Variants in EPHA6 observed in about 807,000 individuals in gnomAD.
The protein encoded by EPHA6 is EPH receptor A6.
EPHA6 carries 50 observed loss-of-function variants against 112.0 expected under a neutral mutation model. The observed-to-expected ratio is 0.45, with a 90% CI of 0.36 to 0.56. The LOEUF (loss-of-function observed/expected upper bound fraction) is 0.56. Ranked by LOEUF, EPHA6 falls within the 20% of genes least tolerant of loss-of-function variation. The pLI is 0.00. For missense variants in EPHA6, 1,280 were observed against 1,417.4 expected (o/e 0.90, Z 1.56); for synonymous variants, 529 against 490.7 (o/e 1.08, Z -1.03).
intron 3 of EPHA6, among the ~76,000 whole-genome samples, chr3:97,198,718 A>G (rs1338506929): frequency 1.3e-5 from 2 of 152,140 alleles, no homozygotes; most frequent in Non-Finnish European, 2.9e-5. Flanking sequence ...TCTTTTGCCT[A>G]ACTGTGTTCT....
chr3:96,976,723 A>G (rs2042539698), intron 2 of EPHA6, among the ~76,000 whole-genome samples: 1 of 152,170 alleles, frequency 6.6e-6, no homozygotes, highest in Admixed American at 6.5e-5. Flanking sequence ...ATTACCCTTC[A>G]TGAAGATATG....
chr3:97,209,672 A>G (rs1179554562), intron 3 of EPHA6, among the ~76,000 whole-genome samples: 1 of 152,194 alleles, frequency 6.6e-6, no homozygotes, highest in African/African-American at 2.4e-5. Context: ...TTCCTGTCCT[A>G]TTCAGCTACA....
intron 5 of EPHA6, among the ~76,000 whole-genome samples, chr3:97,287,973 A>G (rs534850864): frequency 5.1e-4 from 78 of 152,230 alleles, no homozygotes; most frequent in African/African-American, 1.8e-3. Context: ...TACTTTGAAT[A>G]GAATTGGCGT....
intron 5 of EPHA6, among the ~76,000 whole-genome samples, chr3:97,281,199 C>CTGTG (rs2080272506): frequency 1.5e-5 from 1 of 67,974 alleles, no homozygotes; most frequent in African/African-American, 5.8e-5. Context: ...TTCAAAGAGT[C>CTGTG]TATGTGTGTG....
intron 3 of EPHA6, among the ~76,000 whole-genome samples, chr3:97,174,093 A>T (rs1329151069): frequency 6.8e-6 from 1 of 148,060 alleles, no homozygotes; most frequent in Non-Finnish European, 1.5e-5. Flanking sequence ...CATGAGTTCA[A>T]TTTTTTTTTT....
intron 2 of EPHA6, among the ~76,000 whole-genome samples, chr3:96,937,616 T>A (rs1360171266): frequency 6.6e-6 from 1 of 152,156 alleles, no homozygotes; most frequent in Non-Finnish European, 1.5e-5. Flanking sequence ...TTTAATTAGA[T>A]CCATTTTTGT....
intron 3 of EPHA6, among the ~76,000 whole-genome samples, chr3:97,085,928 CATATATAT>C (rs67777487): frequency 4.2e-5 from 5 of 119,496 alleles, no homozygotes; most frequent in African/African-American, 9.0e-5. Flanking sequence ...TATATGATGT[CATATATAT>C]ATATATATAT....
At chr3:96,880,664 C>T (rs1385466884) in intron 2 of EPHA6, among the ~76,000 whole-genome samples, 2 of 152,076 alleles carry the variant, frequency 1.3e-5, no homozygotes, top group Non-Finnish European at 2.9e-5. Flanking sequence ...ACCCCATATC[C>T]ATTAATCTGT....
chr3:97,010,775 C>T (rs946885732), intron 3 of EPHA6, among the ~76,000 whole-genome samples: 8 of 152,196 alleles, frequency 5.3e-5, no homozygotes, highest in Non-Finnish European at 2.9e-5. Flanking sequence ...TCTTGTGCCT[C>T]AGCCTCCAAG....
At chr3:97,656,046 G>A (rs892654830) in intron 14 of EPHA6, among the ~76,000 whole-genome samples, 30 of 151,644 alleles carry the variant, frequency 2.0e-4, no homozygotes, top group African/African-American at 2.9e-4. Context: ...TATGGTAAAC[G>A]AAAGTATTCT....
chr3:97,366,755 T>C (rs1211053236), intron 5 of EPHA6, among the ~76,000 whole-genome samples: 1 of 152,218 alleles, frequency 6.6e-6, no homozygotes, highest in Non-Finnish European at 1.5e-5. Context: ...TATGTACTTA[T>C]GTAGAATATA....
intron 5 of EPHA6, among the ~76,000 whole-genome samples, chr3:97,343,720 A>G (rs2083416188): frequency 6.6e-6 from 1 of 152,218 alleles, no homozygotes; most frequent in South Asian, 2.1e-4. Flanking sequence ...AATGTATGCT[A>G]TCATTGAAGA....
chr3:97,460,299 T>G (rs1280628424), intron 7 of EPHA6, among the ~76,000 whole-genome samples: 1 of 152,232 alleles, frequency 6.6e-6, no homozygotes, highest in Non-Finnish European at 1.5e-5. Context: ...ACTCTCCAGG[T>G]ATTGGGACCT....
rs148087351 is a variant in EPHA6, at chr3:97,198,387, A to G, written c.1115-27877A>G. 3.4e-3 allele frequency among the ~76,000 whole-genome samples: 515 copies of G among 152,252 alleles called. 4 individuals carry two copies. Among genetic ancestry groups the G allele is most frequent in the African/African-American group, 0.011 (466 of 41,568 alleles). On this transcript the variant is annotated intron_variant, in intron 3 of 17. Coordinates refer to ENST00000389672, the MANE Select transcript of EPHA6 (RefSeq NM_001080448.3). ...TTATTCCTAGCATACCTTTGATTTT[A>G]GATTCAGGTTAGCTCCATATTCTGA...
chr3:97,040,256 C>T (rs1236703915), intron 3 of EPHA6, among the ~76,000 whole-genome samples: 2 of 151,716 alleles, frequency 1.3e-5, no homozygotes, highest in Admixed American at 6.6e-5. Flanking sequence ...GATACTTTCC[C>T]TGTGTGTCTT....
At chr3:97,610,724 T>A (rs1442092070) in intron 12 of EPHA6, 69 bp from the exon 13 acceptor site, 7 of 1,198,590 alleles carry the variant, frequency 5.8e-6, no homozygotes, top group Non-Finnish European at 7.3e-6. Flanking sequence ...CACAGCTGGG[T>A]ATCTCTTAAC....
chr3:97,070,628 T>C (rs2108157513), intron 3 of EPHA6, among the ~76,000 whole-genome samples: 1 of 152,300 alleles, frequency 6.6e-6, no homozygotes, highest in South Asian at 2.1e-4. Context: ...AATTTGTAAA[T>C]AACTTGTACA....
intron 11 of EPHA6, among the ~76,000 whole-genome samples, chr3:97,580,740 A>G (rs2093429734): frequency 6.6e-6 from 1 of 152,188 alleles, no homozygotes; most frequent in Admixed American, 6.5e-5. Context: ...ATTATCAGGA[A>G]TGAGTGTTGT....
chr3:96,941,156 A>T (rs1476320453), intron 2 of EPHA6, among the ~76,000 whole-genome samples: 1 of 152,058 alleles, frequency 6.6e-6, no homozygotes, highest in Non-Finnish European at 1.5e-5. Context: ...GCCTTGCTAT[A>T]TTTGGGAAGT....
Sources: gnomAD v4.1 joint callset for allele counts (sites outside exome capture counted in the v4.1 genomes callset) on GRCh38, gnomAD v4.1.1 for gene constraint, MANE v1.5 for transcripts, NCBI Gene and HGNC (gene_info 2026-07-23, HGNC 2026-07-21) for gene names.